Variants in DLG2 observed in about 807,000 individuals in gnomAD.
The protein encoded by DLG2 is discs large MAGUK scaffold protein 2, also known as disks large homolog 2.
DLG2 carries 45 observed loss-of-function variants against 132.5 expected under a neutral mutation model. That is an observed-to-expected ratio of 0.34 (90% CI 0.27 to 0.44). The LOEUF is 0.44. DLG2 is among the 20% of genes least tolerant of loss of function. DLG2 has a pLI of 1.00. For synonymous variants in DLG2, 424 were observed against 419.6 expected, an observed-to-expected ratio of 1.01 and a Z score of -0.13; for missense variants, 1,045 against 1,196.9, an observed-to-expected ratio of 0.87 and a Z score of 1.87.
chr11:85,357,383 G>C (rs975039831), intron 3 of DLG2, among the ~76,000 whole-genome samples: 6 of 149,758 alleles, frequency 4.0e-5, no homozygotes, highest in Non-Finnish European at 7.4e-5. Flanking sequence ...TAGTAGAGAA[G>C]GGTTTTCACC....
intron 7 of DLG2, among the ~76,000 whole-genome samples, chr11:84,438,941 G>C (rs1338541078): frequency 6.6e-6 from 1 of 152,136 alleles, no homozygotes; most frequent in Non-Finnish European, 1.5e-5. Flanking sequence ...GTCACTTGAG[G>C]TCTATCCCTT....
At chr11:85,068,750 C>T (rs894800855) in intron 6 of DLG2, among the ~76,000 whole-genome samples, 8 of 152,052 alleles carry the variant, frequency 5.3e-5, no homozygotes, top group Non-Finnish European at 8.8e-5. Flanking sequence ...AGATTCAATG[C>T]CATCCCCATC....
At chr11:84,589,182 T>C (rs1448454945) in intron 6 of DLG2, among the ~76,000 whole-genome samples, 1 of 151,818 alleles carries the variant, frequency 6.6e-6, no homozygotes, top group Non-Finnish European at 1.5e-5. Context: ...GGAAAGTGAG[T>C]AGGGGAGGCT....
intron 11 of DLG2, among the ~76,000 whole-genome samples, chr11:84,003,406 T>A (rs2094443487): frequency 6.6e-6 from 1 of 152,146 alleles, no homozygotes; most frequent in African/African-American, 2.4e-5. Flanking sequence ...ATTAGTCCAT[T>A]TTCATACTGC....
chr11:84,199,309 C>A (rs549875271), intron 8 of DLG2, among the ~76,000 whole-genome samples: 7 of 152,044 alleles, frequency 4.6e-5, no homozygotes, highest in African/African-American at 1.4e-4. Context: ...CACACTCACC[C>A]GATATTAATA....
intron 6 of DLG2, among the ~76,000 whole-genome samples, chr11:85,041,384 T>C (rs2061851494): frequency 6.6e-6 from 1 of 151,924 alleles, no homozygotes; most frequent in Non-Finnish European, 1.5e-5. Context: ...TGATTCACTG[T>C]CACTAAAGCA....
intron 19 of DLG2, among the ~76,000 whole-genome samples, chr11:83,621,927 T>A (rs999678404): frequency 6.6e-6 from 1 of 152,116 alleles, no homozygotes; most frequent in Non-Finnish European, 1.5e-5. Context: ...GATTGACTGA[T>A]TGATTGAGAC....
intron 7 of DLG2, among the ~76,000 whole-genome samples, chr11:84,402,507 C>T (rs754059306): frequency 2.0e-5 from 3 of 151,794 alleles, no homozygotes; most frequent in Non-Finnish European, 4.4e-5. Flanking sequence ...CCACTACTGG[C>T]ACTGCCTTTC....
intron 4 of DLG2, among the ~76,000 whole-genome samples, chr11:85,177,005 T>G (rs1595100437): frequency 6.6e-6 from 1 of 151,962 alleles, no homozygotes; most frequent in Non-Finnish European, 1.5e-5. Flanking sequence ...ACACTGTGGG[T>G]GGGAGTATAA....
chr11:84,222,991 T>C (rs1349481848), intron 8 of DLG2, among the ~76,000 whole-genome samples: 1 of 152,236 alleles, frequency 6.6e-6, no homozygotes, highest in Admixed American at 6.5e-5. Flanking sequence ...TTATAGCTCG[T>C]CCTTTGGTTG....
intron 11 of DLG2, among the ~76,000 whole-genome samples, chr11:84,044,764 T>C (rs1355594786): frequency 6.6e-6 from 1 of 151,748 alleles, no homozygotes; most frequent in African/African-American, 2.4e-5. Context: ...TTTCAACTAC[T>C]CTTTGAAAAA....
At chr11:84,636,899 A>G (rs1188537425) in intron 6 of DLG2, among the ~76,000 whole-genome samples, 1 of 151,872 alleles carries the variant, frequency 6.6e-6, no homozygotes, top group Non-Finnish European at 1.5e-5. Flanking sequence ...CTCCTGCTTC[A>G]ACCTCCTGAG....
chr11:85,112,767 G>C (rs978450761), intron 5 of DLG2, among the ~76,000 whole-genome samples: 15 of 152,060 alleles, frequency 9.9e-5, no homozygotes, highest in Admixed American at 2.6e-4. Flanking sequence ...GCATCTCTGA[G>C]ATTGCAGCAA....
At chr11:84,521,141 A>G (rs959948611) in intron 7 of DLG2, among the ~76,000 whole-genome samples, 1 of 152,238 alleles carries the variant, frequency 6.6e-6, no homozygotes, top group Non-Finnish European at 1.5e-5. Flanking sequence ...AATCTGATGC[A>G]CACAGTTTAG....
chr11:84,083,651 T>C (rs1256137320), intron 10 of DLG2, among the ~76,000 whole-genome samples: 1 of 152,174 alleles, frequency 6.6e-6, no homozygotes, highest in African/African-American at 2.4e-5. Context: ...CTCTCTGTAT[T>C]GTGTACTTGA....
chr11:85,113,118 C>G (rs182922340), intron 5 of DLG2, among the ~76,000 whole-genome samples: 1 of 151,962 alleles, frequency 6.6e-6, no homozygotes, highest in African/African-American at 2.4e-5. Context: ...TGATCAATTT[C>G]TTTAAAGCAA....
intron 19 of DLG2, among the ~76,000 whole-genome samples, chr11:83,604,001 T>G (rs1158080799): frequency 1.3e-5 from 2 of 152,194 alleles, no homozygotes; most frequent in African/African-American, 2.4e-5. Context: ...ACTGCTGGTA[T>G]GAGTAGCTAA....
At chr11:84,325,066 G>C (rs989206497) in intron 7 of DLG2, among the ~76,000 whole-genome samples, 3 of 152,160 alleles carry the variant, frequency 2.0e-5, no homozygotes, top group Non-Finnish European at 4.4e-5. Flanking sequence ...GAGTAGAATG[G>C]TGAGAGTGAA....
At chr11:84,500,419 G>T (rs369113742) in intron 7 of DLG2, among the ~76,000 whole-genome samples, 1 of 151,188 alleles carries the variant, frequency 6.6e-6, no homozygotes, top group Non-Finnish European at 1.5e-5. Context: ...TACTGCTGGA[G>T]AATTTGATAG....
Sources: gnomAD v4.1 joint callset for allele counts (sites outside exome capture counted in the v4.1 genomes callset) on GRCh38, gnomAD v4.1.1 for gene constraint, MANE v1.5 for transcripts, NCBI Gene and HGNC (gene_info 2026-07-23, HGNC 2026-07-21) for gene names.